The following HLA-DPA1 variants were observed in gnomAD, a reference collection of about 807,000 sequenced individuals.
HLA-DPA1 encodes the protein major histocompatibility complex, class II, DP alpha 1.
In HLA-DPA1, 20 loss-of-function variants were observed where a neutral mutation model predicts 21.5. The observed-to-expected ratio is 0.93, with a 90% CI of 0.66 to 1.35. The LOEUF (loss-of-function observed/expected upper bound fraction) is 1.35, where lower values mean the gene tolerates loss of function less well. Among genes scored for constraint, HLA-DPA1 ranks in the 40% most tolerant of loss-of-function variants. HLA-DPA1 has a pLI of 0.00. For synonymous variants in HLA-DPA1, 123 were observed against 129.6 expected (o/e 0.95, Z 0.35); for missense variants, 279 against 323.0 (o/e 0.86, Z 1.05).
Position 33,075,621 on chromosome 6 carries a change from C to A in HLA-DPA1, c.-99-1952G>T, listed in dbSNP as rs1562137763. Among the ~76,000 whole-genome samples the A allele has an allele frequency of 4.6e-5, 7 of 152,202 alleles. No homozygotes were observed. In the South Asian group the frequency reaches 1.2e-3, roughly 27 times the overall value. ...TTTACACACTAAGATAGCACTTTTT[C>A]CACAACAGACCATGTCCTGTGGGTG... On this transcript the variant is annotated intron_variant, in intron 1 of 5. Coordinates refer to ENST00000419277, the Ensembl canonical transcript of HLA-DPA1.
chr6:33,073,415 G>C, intron 2 of HLA-DPA1, 56 bp downstream of exon 1: 1 of 847,280 alleles, frequency 1.2e-6, no homozygotes, highest in Non-Finnish European at 1.8e-6. Context: ...AGCAGCAATT[G>C]ATGTGAACCA....
chr6:33,071,481 A>G lies in HLA-DPA1; in HGVS notation c.101-1595T>C, dbSNP rs567358728. Among the ~76,000 whole-genome samples the G allele has an allele frequency of 3.3e-3, 505 of 152,278 alleles. 2 individuals carry two copies. The highest frequency in any genetic ancestry group is 0.024 in the East Asian group (125 of 5,172). Reference sequence around the variant, plus strand: ...TAAAAAACACTTTCACAAGTTCTGCAGTCCAAAGATCAGCCAGCTATGGAA... The same window carrying G: ...TAAAAAACACTTTCACAAGTTCTGCGGTCCAAAGATCAGCCAGCTATGGAA... On this transcript the variant is annotated intron_variant, in intron 2 of 5. Coordinates refer to ENST00000419277, the Ensembl canonical transcript of HLA-DPA1.
intron 4 of HLA-DPA1, 43 bp from the exon 4 acceptor site, chr6:33,068,847 G>A: frequency 6.2e-7 from 1 of 1,600,392 alleles, no homozygotes; most frequent in Non-Finnish European, 8.5e-7. Context: ...GTGCAGTGAG[G>A]GTGGTGATGG....
intron 2 of HLA-DPA1, among the ~76,000 whole-genome samples, chr6:33,070,114 C>T (rs72879614): frequency 0.25 from 37,690 of 152,058 alleles, 5,865 homozygotes; most frequent in East Asian, 0.69. Context: ...AAGTTTATCA[C>T]TGATAAGTCA....
At chr6:33,069,036 G>A (rs759952653) in exon 4 of HLA-DPA1, 30 of 1,612,944 alleles carry the variant, frequency 1.9e-5, no homozygotes, top group Admixed American at 1.3e-4. Context: ...CTTGAGGAGC[G>A]GCTGGTCCAA....
intron 2 of HLA-DPA1, among the ~76,000 whole-genome samples, chr6:33,072,914 G>A (rs56952336): frequency 0.033 from 5,053 of 152,282 alleles, 153 homozygotes; most frequent in African/African-American, 0.077. Flanking sequence ...GACCCAGGAA[G>A]AGCCCTAGGG....
chr6:33,064,633 A>G (rs1421433976), exon 6 of HLA-DPA1: 1 of 152,150 alleles, frequency 6.6e-6, no homozygotes, highest in Non-Finnish European at 1.5e-5. Flanking sequence ...TCCTCCATGA[A>G]ATATTGCTAT....
At chr6:33,068,373 A>C in intron 5 of HLA-DPA1, 1 of 370,252 alleles carries the variant, frequency 2.7e-6, no homozygotes, top group Admixed American at 4.3e-5. Context: ...TGTATGTAAA[A>C]AGATGTAAGT....
At chr6:33,071,205 G>A (rs72879625) in intron 2 of HLA-DPA1, among the ~76,000 whole-genome samples, 29,356 of 151,788 alleles carry the variant, frequency 0.19, 3,453 homozygotes, top group African/African-American at 0.32. Context: ...GGTATGACCT[G>A]TGTCTTATTT....
At chr6:33,076,506 C>G (rs946021756) in intron 1 of HLA-DPA1, among the ~76,000 whole-genome samples, 1 of 152,174 alleles carries the variant, frequency 6.6e-6, no homozygotes, top group African/African-American at 2.4e-5. Flanking sequence ...GGAGGGGACT[C>G]AGGCAGAGAG....
At chr6:33,076,182 G>A (rs763555130) in intron 1 of HLA-DPA1, 1 of 1,363,238 alleles carries the variant, frequency 7.3e-7, no homozygotes, top group Admixed American at 1.9e-5. Flanking sequence ...CTGGCTCAGG[G>A]AACAATTCCT....
At chr6:33,073,423 C>A in intron 2 of HLA-DPA1, 48 bp downstream of exon 1, 3 of 931,394 alleles carry the variant, frequency 3.2e-6, no homozygotes, top group Non-Finnish European at 4.8e-6. Context: ...TTGATGTGAA[C>A]CACCCCATCA....
At chr6:33,066,897 A>C (rs1761983994) in intron 5 of HLA-DPA1, 1 of 152,258 alleles carries the variant, frequency 6.6e-6, no homozygotes, top group African/African-American at 2.4e-5. Context: ...CAAAAGTTAG[A>C]AAACTGGATA....
intron 2 of HLA-DPA1, among the ~76,000 whole-genome samples, chr6:33,070,945 A>G (rs1252870516): frequency 2.0e-5 from 3 of 152,238 alleles, no homozygotes; most frequent in Admixed American, 1.3e-4. Context: ...TGTAAGAATT[A>G]GCAAAGATAA....
chr6:33,069,211 G>A (rs1762127187), exon 4 of HLA-DPA1: 3 of 1,612,862 alleles, frequency 1.9e-6, no homozygotes. Flanking sequence ...TTGAGCACTG[G>A]TGGGAAGAAC....
rs148463918 is a variant in HLA-DPA1 at position 33,068,844 on chromosome 6, G to A, written c.629-40C>T. The A allele has an allele frequency of 1.3e-3, 2,104 of 1,602,920 alleles. 36 individuals are homozygous for A. The East Asian group carries it at 0.014, about 11-fold the overall frequency. On this transcript the variant is annotated intron_variant, in intron 4 of 5. Coordinates refer to ENST00000419277, the Ensembl canonical transcript of HLA-DPA1. ...AAGAGATAGGGTCAGGAGGTGCAGTGAGGGTGGTGATGGCCTGGGATGGTT... is the reference window on the plus strand; with the variant it reads ...AAGAGATAGGGTCAGGAGGTGCAGTAAGGGTGGTGATGGCCTGGGATGGTT...
chr6:33,079,132 T>G (rs1762707259), intron 1 of HLA-DPA1, among the ~76,000 whole-genome samples: 1 of 152,244 alleles, frequency 6.6e-6, no homozygotes, highest in Non-Finnish European at 1.5e-5. Context: ...GCTGTGCAAC[T>G]TCTGCTAGGG....
chr6:33,069,367 G>A (rs1383016620), intron 3 of HLA-DPA1, 67 bp from the exon 3 acceptor site: 6 of 1,463,502 alleles, frequency 4.1e-6, no homozygotes, highest in African/African-American at 1.5e-5. Context: ...CACCTCTTAG[G>A]GGAGGGTGGT....
At chr6:33,071,952 T>C (rs13213165) in intron 2 of HLA-DPA1, among the ~76,000 whole-genome samples, 2 of 151,610 alleles carry the variant, frequency 1.3e-5, no homozygotes, top group African/African-American at 2.4e-5. Context: ...ATTTAGGCCA[T>C]AGAACTGAGA....
Sources: allele counts gnomAD v4.1 joint callset (sites outside exome capture counted in the v4.1 genomes callset), GRCh38; gene constraint gnomAD v4.1.1; transcripts MANE v1.5; gene names NCBI Gene and HGNC (gene_info 2026-07-23, HGNC 2026-07-21).